CFAP57: variants seen among roughly 807,000 people sequenced by gnomAD.
CFAP57 encodes cilia and flagella associated protein 57, also known as cilia- and flagella-associated protein 57.
CFAP57 carries 116 observed loss-of-function variants against 146.8 expected under a neutral mutation model. That is an observed-to-expected ratio of 0.79 (90% confidence interval 0.68 to 0.92). CFAP57 has a LOEUF of 0.92. Among genes scored for constraint, CFAP57 ranks in the 40% least tolerant of loss-of-function variants. The probability of loss-of-function intolerance (pLI) is 0.00; values close to 1 mark genes in which losing one functional copy is unlikely to be tolerated. For synonymous variants in CFAP57, 518 were observed against 552.8 expected (o/e 0.94, Z 0.88); for missense variants, 1,377 against 1,527.2 (o/e 0.90, Z 1.64).
intron 6 of CFAP57, among the ~76,000 whole-genome samples, chr1:43,190,302 G>A (rs888802037): frequency 3.4e-5 from 4 of 118,066 alleles, no homozygotes; most frequent in East Asian, 2.8e-4. Context: ...ACGGAGTCTC[G>A]CTCTGTCACC....
At chr1:43,179,651 C>T (rs1557725125) in intron 2 of CFAP57, among the ~76,000 whole-genome samples, 1 of 152,198 alleles carries the variant, frequency 6.6e-6, no homozygotes. Context: ...CTAGTTTTAA[C>T]TTTCCCTTAT....
intron 18 of CFAP57, among the ~76,000 whole-genome samples, chr1:43,231,575 C>T (rs1013309143): frequency 4.6e-5 from 7 of 151,918 alleles, no homozygotes; most frequent in Admixed American, 3.9e-4. Context: ...TCTTTCAGCC[C>T]GGGCGCAGTG....
intron 21 of CFAP57, among the ~76,000 whole-genome samples, chr1:43,236,295 C>T (rs2124629558): frequency 6.6e-6 from 1 of 152,052 alleles, no homozygotes; most frequent in East Asian, 1.9e-4. Context: ...GGGTCCCTAC[C>T]CCTTCAACCA....
chr1:43,176,393 T>C (rs1391922598), intron 2 of CFAP57, among the ~76,000 whole-genome samples: 6 of 152,184 alleles, frequency 3.9e-5, no homozygotes, highest in African/African-American at 1.4e-4. Context: ...TCTAAGGGTA[T>C]TACCGGTGAA....
chr1:43,223,897 C>G (rs1645144576), intron 16 of CFAP57, 149 bp from the exon 17 acceptor site: 2 of 924,836 alleles, frequency 2.2e-6, no homozygotes, highest in African/African-American at 1.7e-5. Context: ...CAGATATTCA[C>G]TCCTAAAATC....
At chr1:43,210,324 C>T in intron 11 of CFAP57, 8 of 1,406,350 alleles carry the variant, frequency 5.7e-6, no homozygotes, top group South Asian at 1.5e-5. Context: ...AAGGCCACCC[C>T]AGGGGCAATA....
At chr1:43,214,572 G>A (rs1297402658) in intron 11 of CFAP57, among the ~76,000 whole-genome samples, 1 of 152,166 alleles carries the variant, frequency 6.6e-6, no homozygotes, top group Admixed American at 6.5e-5. Flanking sequence ...TAAAGCTGCT[G>A]TGACCAATCA....
chr1:43,223,994 G>A, intron 16 of CFAP57, 52 bp from the exon 17 acceptor site: 1 of 1,543,772 alleles, frequency 6.5e-7, no homozygotes, highest in Non-Finnish European at 8.8e-7. Flanking sequence ...TGGGAGGGAT[G>A]GAGATGAGTT....
chr1:43,254,086 C>G lies in CFAP57; in HGVS notation c.3648C>G (p.Asp1216Glu). 6.4e-7 allele frequency: 1 copy of G among 1,550,650 alleles called. No individual in the cohort carries two copies. The highest frequency in any genetic ancestry group is 8.7e-7 in the Non-Finnish European group (1 of 1,147,010). The change falls in exon 23 of 23, where the codon GAC becomes GAG. Residue 1216 changes from aspartate (D) to glutamate (E), a missense_variant. Asp to Glu is a conservative substitution (Grantham distance 45, BLOSUM62 2). Transcript: ENST00000372492. ...GCCTAGAAATCCAGCGCCTCAGAGA[C>G]CAGATCCAAGAGCAAGAGCAGGTCA... The part of the protein sequence containing the change: ...MQRLEIQRLR[D>E]QIQEQEQVTG...
intron 2 of CFAP57, among the ~76,000 whole-genome samples, chr1:43,178,792 C>A (rs1645269015): frequency 6.6e-6 from 1 of 152,094 alleles, no homozygotes; most frequent in African/African-American, 2.4e-5. Flanking sequence ...ATGGTATATA[C>A]CCAAAGGATT....
In CFAP57 at chr1:43,185,225, A is replaced by C. The variant is rs747646941; in HGVS notation, c.838A>C (p.Met280Leu). ...GGTGGCGGCCAGTAGCCATAGCCAG[A>C]TGTCCATGCCCCAGGTGTTTGCCAT... is the stretch of plus-strand genomic sequence containing the variant. ...QMVAASSHSQ[M>L]SMPQVFAIAA... Residue 280 changes from methionine (M) to leucine (L), a missense_variant, in exon 5 of 23, where the codon ATG (methionine) becomes CTG (leucine). Met to Leu is a conservative substitution (Grantham distance 15). Coordinates refer to ENST00000372492, the MANE Select transcript of CFAP57 (RefSeq NM_001378189.1). 2 of 1,614,198 alleles carry C rather than the reference A, an allele frequency of 1.2e-6. No individual in the cohort carries two copies. The highest frequency in any genetic ancestry group is 1.1e-5 in the South Asian group (1 of 91,086).
chr1:43,193,288 A>G (rs1225573979), intron 6 of CFAP57, among the ~76,000 whole-genome samples: 1 of 152,044 alleles, frequency 6.6e-6, no homozygotes, highest in East Asian at 1.9e-4. Context: ...CACATCATAT[A>G]ATTTAATCTT....
At chr1:43,191,815 G>A (rs1331120886) in intron 6 of CFAP57, among the ~76,000 whole-genome samples, 1 of 145,306 alleles carries the variant, frequency 6.9e-6, no homozygotes, top group East Asian at 2.0e-4. Context: ...TTTTTTTCCA[G>A]TGTCTTAAGG....
At chr1:43,250,185 G>A (rs1236706147) in intron 22 of CFAP57, 2 of 152,108 alleles carry the variant, frequency 1.3e-5, no homozygotes, top group African/African-American at 2.4e-5. Context: ...CATACAAGTA[G>A]ACACACACAC....
At chr1:43,194,234 G>A (rs1557751714) in intron 6 of CFAP57, among the ~76,000 whole-genome samples, 1 of 151,846 alleles carries the variant, frequency 6.6e-6, no homozygotes, top group East Asian at 1.9e-4. Flanking sequence ...TTGTTTGACA[G>A]CTTTTTCTTT....
intron 11 of CFAP57, among the ~76,000 whole-genome samples, chr1:43,213,591 T>A (rs1490964087): frequency 6.6e-6 from 1 of 152,068 alleles, no homozygotes; most frequent in East Asian, 1.9e-4. Flanking sequence ...TGCAGGATTG[T>A]ATGGTAGTTC....
Position 43,181,523 on chromosome 1 carries a change from T to G in CFAP57, c.158-11T>G. On this transcript the variant is annotated splice_polypyrimidine_tract_variant and intron_variant, in intron 2 of 22. Transcript: ENST00000372492. ...TCTACCCTGATTATTTCCTTTTTCC[T>G]CTGTTTGCAGGCTCAGAGAAGAGTC... 6.2e-7 allele frequency: 1 copy of G among 1,614,082 alleles called. No homozygotes were observed. The highest frequency in any genetic ancestry group is 8.5e-7 in the Non-Finnish European group (1 of 1,180,042).
At chr1:43,182,178 C>T (rs1489431397) in intron 3 of CFAP57, among the ~76,000 whole-genome samples, 1 of 152,200 alleles carries the variant, frequency 6.6e-6, no homozygotes, top group African/African-American at 2.4e-5. Flanking sequence ...ATAAAACTTG[C>T]TTTCTCTCCC....
chr1:43,187,971 C>A (rs1314743669), intron 6 of CFAP57, among the ~76,000 whole-genome samples: 1 of 151,942 alleles, frequency 6.6e-6, no homozygotes, highest in Non-Finnish European at 1.5e-5. Flanking sequence ...ACCCAGCTAG[C>A]TTTTGTATTT....
Sources: allele counts gnomAD v4.1 joint callset (sites outside exome capture counted in the v4.1 genomes callset), GRCh38; gene constraint gnomAD v4.1.1; transcripts MANE v1.5; gene names NCBI Gene and HGNC (gene_info 2026-07-23, HGNC 2026-07-21).